ZFPM2: variants seen among roughly 807,000 people sequenced by gnomAD.
ZFPM2 encodes the protein zinc finger protein, FOG family member 2.
ZFPM2 carries 20 observed loss-of-function variants against 98.6 expected under a neutral mutation model. The observed-to-expected ratio is 0.20, with a 90% CI of 0.14 to 0.29. The LOEUF is 0.29. ZFPM2 is among the 10% of genes least tolerant of loss of function. The probability of loss-of-function intolerance (pLI) is 1.00; values close to 1 mark genes in which losing one functional copy is unlikely to be tolerated. For missense variants in ZFPM2, 1,310 were observed against 1,388.6 expected (o/e 0.94, Z 0.90); for synonymous variants, 518 against 502.7 (o/e 1.03, Z -0.41).
chr8:105,346,258 A>T, intron 1 of ZFPM2, among the ~76,000 whole-genome samples: 2 of 151,744 alleles, frequency 1.3e-5, no homozygotes, highest in South Asian at 4.2e-4. Flanking sequence ...GTGGTGCATG[A>T]CTGTAATCCC....
At chr8:105,461,087 G>A (rs764054254) in intron 3 of ZFPM2, among the ~76,000 whole-genome samples, 12 of 151,692 alleles carry the variant, frequency 7.9e-5, no homozygotes, top group South Asian at 2.1e-4. Flanking sequence ...ATAGCTTTAC[G>A]GCCTAGAAAA....
At chr8:105,574,958 T>G (rs1418513030) in intron 4 of ZFPM2, among the ~76,000 whole-genome samples, 2 of 151,972 alleles carry the variant, frequency 1.3e-5, no homozygotes, top group Admixed American at 6.6e-5. Context: ...AAAATAGCAC[T>G]TGCCTTTATT....
Position 105,319,072 on chromosome 8 carries a change from TA to T in ZFPM2, c.40+92del. 2.2e-6 allele frequency: 3 copies of T among 1,391,372 alleles called. No individual in the cohort carries two copies. In the South Asian group the frequency reaches 4.5e-5, roughly 21 times the overall value. The allele number at this position is 1,391,372 out of a possible 1,614,324, so 86.2% of individuals were successfully genotyped here. On this transcript the variant is annotated intron_variant, in intron 1 of 7. Transcript: ENST00000407775. The stretch of plus-strand genomic sequence containing the variant: ...GAAAGCGGTGGGTGGGTGGCGGGGC[TA>T]GGGGAGATCCGCTCCCGGTCCCCTA...
At chr8:105,553,526 G>A (rs551018167) in intron 3 of ZFPM2, among the ~76,000 whole-genome samples, 1 of 152,270 alleles carries the variant, frequency 6.6e-6, no homozygotes, top group East Asian at 1.9e-4. Context: ...CATGAAAAGG[G>A]AATGTTTCTA....
intron 5 of ZFPM2, among the ~76,000 whole-genome samples, chr8:105,685,117 G>A (rs1263991392): frequency 6.6e-6 from 1 of 152,036 alleles, no homozygotes; most frequent in African/African-American, 2.4e-5. Flanking sequence ...TAAAAGCAAT[G>A]TCCAGCAAAG....
At chr8:105,640,469 CAA>C (rs1816929844) in intron 5 of ZFPM2, among the ~76,000 whole-genome samples, 1 of 151,988 alleles carries the variant, frequency 6.6e-6, no homozygotes, top group Non-Finnish European at 1.5e-5. Flanking sequence ...TGACAGCCTT[CAA>C]AGTTCTGATT....
At chr8:105,388,385 C>G (rs995403868) in intron 1 of ZFPM2, among the ~76,000 whole-genome samples, 1 of 152,030 alleles carries the variant, frequency 6.6e-6, no homozygotes, top group Non-Finnish European at 1.5e-5. Context: ...AGGGAGAACA[C>G]ACAACATGGG....
chr8:105,326,212 A>G (rs1812112661), intron 1 of ZFPM2, among the ~76,000 whole-genome samples: 1 of 151,776 alleles, frequency 6.6e-6, no homozygotes, highest in East Asian at 1.9e-4. Context: ...CAAATATAAT[A>G]AAAGATCGTA....
chr8:105,551,955 C>CTCTTA (rs3076222), intron 3 of ZFPM2, among the ~76,000 whole-genome samples: 104,853 of 151,358 alleles, frequency 0.69, 37,700 homozygotes, highest in African/African-American at 0.91. Context: ...GTGATAAGTT[C>CTCTTA]TAAGTGAATT....
At chr8:105,625,617 A>T (rs1283422403) in intron 4 of ZFPM2, among the ~76,000 whole-genome samples, 3 of 149,640 alleles carry the variant, frequency 2.0e-5, no homozygotes, top group South Asian at 4.2e-4. Flanking sequence ...TTTCACTCTT[A>T]TACCCCAGGC....
At chr8:105,659,972 G>GA (rs1182971350) in intron 5 of ZFPM2, among the ~76,000 whole-genome samples, 1 of 152,000 alleles carries the variant, frequency 6.6e-6, no homozygotes, top group Non-Finnish European at 1.5e-5. Flanking sequence ...CCTTGGAATG[G>GA]AAAAAATGTC....
At chr8:105,600,670 C>T (rs1201623985) in intron 4 of ZFPM2, among the ~76,000 whole-genome samples, 1 of 151,066 alleles carries the variant, frequency 6.6e-6, no homozygotes, top group Non-Finnish European at 1.5e-5. Flanking sequence ...TTGTTTAAAC[C>T]CTTTTTGCCT....
chr8:105,506,141 G>C (rs1473224281), intron 3 of ZFPM2, among the ~76,000 whole-genome samples: 2 of 152,098 alleles, frequency 1.3e-5, no homozygotes, highest in South Asian at 4.1e-4. Flanking sequence ...ATTTAAGATA[G>C]TTTATTATTT....
intron 2 of ZFPM2, among the ~76,000 whole-genome samples, chr8:105,432,065 G>A (rs758485024): frequency 2.0e-5 from 3 of 152,144 alleles, no homozygotes; most frequent in Non-Finnish European, 2.9e-5. Context: ...GAGAGCAATA[G>A]AGACGGGTGT....
chr8:105,615,365 GAGTTTGT>G (rs1816392269), intron 4 of ZFPM2, among the ~76,000 whole-genome samples: 1 of 152,110 alleles, frequency 6.6e-6, no homozygotes, highest in Non-Finnish European at 1.5e-5. Context: ...AGCAAACTCT[GAGTTTGT>G]AGTTTTACTT....
intron 5 of ZFPM2, among the ~76,000 whole-genome samples, chr8:105,750,841 C>T (rs1224720806): frequency 4.6e-5 from 7 of 151,970 alleles, no homozygotes; most frequent in South Asian, 4.2e-4. Flanking sequence ...TCCAGTTTGG[C>T]GGAAATATAC....
chr8:105,561,562 G>T, intron 4 of ZFPM2, 81 bp downstream of exon 4: 2 of 1,104,092 alleles, frequency 1.8e-6, no homozygotes, highest in African/African-American at 1.6e-5. Context: ...CTCTCTGCTT[G>T]CTTTCCAATG....
intron 5 of ZFPM2, chr8:105,690,971 A>T (rs1810865424): frequency 6.6e-6 from 1 of 152,142 alleles, no homozygotes; most frequent in African/African-American, 2.4e-5. Flanking sequence ...GCCTAAGAGT[A>T]ACTCTTCCAA....
chr8:105,692,837 C>T (rs1810919785), intron 5 of ZFPM2, among the ~76,000 whole-genome samples: 4 of 152,168 alleles, frequency 2.6e-5, no homozygotes, highest in Admixed American at 2.6e-4. Context: ...ACTTCCAAGG[C>T]ATGTGTGAAG....
Sources: allele counts gnomAD v4.1 joint callset (sites outside exome capture counted in the v4.1 genomes callset), GRCh38; gene constraint gnomAD v4.1.1; transcripts MANE v1.5; gene names NCBI Gene and HGNC (gene_info 2026-07-23, HGNC 2026-07-21).